HSD17B12: variants seen among roughly 807,000 people sequenced by gnomAD.
HSD17B12 encodes the protein very-long-chain 3-oxoacyl-CoA reductase.
In HSD17B12, 32 loss-of-function variants were observed where a neutral mutation model predicts 39.3. The ratio of observed to expected loss-of-function variants is 0.81; its 90% confidence interval spans 0.61 to 1.09. The LOEUF is 1.09. Among genes scored for constraint, HSD17B12 ranks in the 50% least tolerant of loss-of-function variants. The pLI, the probability that HSD17B12 is intolerant of heterozygous loss-of-function variation, is 0.00. For synonymous variants in HSD17B12, 150 were observed against 146.7 expected (o/e 1.02, Z -0.16); for missense variants, 342 against 382.9 (o/e 0.89, Z 0.89).
the HSD17B12 span, among the ~76,000 whole-genome samples, chr11:43,638,862 T>G: frequency 1.4e-4 from 22 of 152,160 alleles, no homozygotes; most frequent in African/African-American, 4.6e-4. Flanking sequence ...TAAAAATGCT[T>G]TGCTACATTC....
the HSD17B12 span, among the ~76,000 whole-genome samples, chr11:43,663,870 A>AT: frequency 1.1e-3 from 160 of 147,748 alleles, no homozygotes; most frequent in African/African-American, 2.3e-3. Flanking sequence ...TATTTTTATT[A>AT]TTTTTTTTTT....
the HSD17B12 span, among the ~76,000 whole-genome samples, chr11:43,619,590 C>T: frequency 6.6e-6 from 1 of 151,816 alleles, no homozygotes; most frequent in Admixed American, 6.6e-5. Flanking sequence ...TGGGGTTTCA[C>T]CATGTTGGCC....
At chr11:43,769,127 A>G (rs1335260067) in intron 3 of HSD17B12, among the ~76,000 whole-genome samples, 1 of 152,174 alleles carries the variant, frequency 6.6e-6, no homozygotes, top group African/African-American at 2.4e-5. Context: ...TTTAGGAGAC[A>G]CAGGGTTTCA....
the HSD17B12 span, among the ~76,000 whole-genome samples, chr11:43,633,124 A>G: frequency 2.0e-5 from 3 of 152,220 alleles, no homozygotes; most frequent in African/African-American, 7.2e-5. Context: ...CCCACTAAGT[A>G]ATTTCTCATC....
chr11:43,652,257 T>C, the HSD17B12 span, among the ~76,000 whole-genome samples: 1 of 152,194 alleles, frequency 6.6e-6, no homozygotes, highest in African/African-American at 2.4e-5. Flanking sequence ...GACAGTGGAA[T>C]TTGGTTAAAA....
chr11:43,826,169 G>A (rs1361522289), intron 6 of HSD17B12, among the ~76,000 whole-genome samples: 4 of 144,320 alleles, frequency 2.8e-5, no homozygotes, highest in Admixed American at 7.3e-5. Context: ...TGCAAGCTCC[G>A]CCTCCCGGGT....
chr11:43,567,956 G>C, the HSD17B12 span, among the ~76,000 whole-genome samples: 1 of 152,150 alleles, frequency 6.6e-6, no homozygotes, highest in Non-Finnish European at 1.5e-5. Flanking sequence ...CTCAAGAGAA[G>C]CAAGAGTCAA....
chr11:43,787,129 C>A (rs1306204974), intron 3 of HSD17B12, among the ~76,000 whole-genome samples: 1 of 151,758 alleles, frequency 6.6e-6, no homozygotes, highest in African/African-American at 2.4e-5. Flanking sequence ...TTTAGTAGAC[C>A]CTGGGTTTCA....
intron 4 of HSD17B12, chr11:43,806,346 A>C (rs1951017828): frequency 6.6e-6 from 1 of 152,210 alleles, no homozygotes; most frequent in African/African-American, 2.4e-5. Flanking sequence ...AGTATATATC[A>C]AAAACGAAGA....
At chr11:43,680,636 G>A (rs1590652724), upstream of HSD17B12, 4 of 604,382 alleles carry the variant, frequency 6.6e-6, no homozygotes, top group East Asian at 1.1e-4. Flanking sequence ...AATGGCTGAC[G>A]CACTACGCGC....
At chr11:43,774,149 G>A (rs189965638) in intron 3 of HSD17B12, among the ~76,000 whole-genome samples, 146 of 152,160 alleles carry the variant, frequency 9.6e-4, no homozygotes, top group Admixed American at 2.6e-3. Context: ...AAGCTCAGGG[G>A]TGCCACATTT....
chr11:43,636,986 T>G, the HSD17B12 span, among the ~76,000 whole-genome samples: 4 of 152,172 alleles, frequency 2.6e-5, no homozygotes, highest in Non-Finnish European at 5.9e-5. Context: ...CCGTTCAAAC[T>G]TGGATCTCAT....
chr11:43,818,696 T>C (rs1951153208), intron 6 of HSD17B12, among the ~76,000 whole-genome samples: 1 of 152,164 alleles, frequency 6.6e-6, no homozygotes, highest in Non-Finnish European at 1.5e-5. Context: ...GTAAACTAAT[T>C]ATAAGTGGAC....
intron 3 of HSD17B12, among the ~76,000 whole-genome samples, chr11:43,758,793 C>G (rs1377703270): frequency 6.6e-6 from 1 of 152,286 alleles, no homozygotes; most frequent in Middle Eastern, 3.4e-3. Flanking sequence ...AGGCACTTCT[C>G]CAGTGGGTAC....
At chr11:43,725,895 A>G (rs940990729) in intron 1 of HSD17B12, among the ~76,000 whole-genome samples, 1 of 152,170 alleles carries the variant, frequency 6.6e-6, no homozygotes, top group Non-Finnish European at 1.5e-5. Context: ...ATTTTGAGCC[A>G]TCTCAAAATG....
upstream of HSD17B12, chr11:43,680,629 G>C: frequency 1.7e-6 from 1 of 598,484 alleles, no homozygotes; most frequent in Non-Finnish European, 3.0e-6. Context: ...GTCAGCTAAT[G>C]GCTGACGCAC....
chr11:43,734,227 C>A lies in HSD17B12; in HGVS notation c.161-16684C>A. The stretch of plus-strand genomic sequence containing the variant: ...GCGACGACCTTACGGAGCGAGCAGC[C>A]ACCTTTGGGTTCATCCTGGACTACG... On this transcript the variant is annotated intron_variant, in intron 1 of 10. Coordinates refer to ENST00000278353, the MANE Select transcript of HSD17B12 (RefSeq NM_016142.3). 25 of 1,503,444 alleles carry A rather than the reference C, an allele frequency of 1.7e-5. No individual in the cohort carries two copies. In the South Asian group the frequency reaches 2.6e-4, roughly 16 times the overall value. The allele number at this position is 1,503,444 out of a possible 1,614,324, so 93.1% of individuals were successfully genotyped here.
At chr11:43,751,090 G>C (rs1950461206) in intron 2 of HSD17B12, 133 bp downstream of exon 2, 1 of 494,892 alleles carries the variant, frequency 2.0e-6, no homozygotes, top group Non-Finnish European at 3.4e-6. Context: ...GATGCTTTTT[G>C]TTTCTACCTT....
chr11:43,560,774 G>T, the HSD17B12 span, among the ~76,000 whole-genome samples: 2 of 152,118 alleles, frequency 1.3e-5, no homozygotes, highest in Non-Finnish European at 2.9e-5. Context: ...ACCAACCATG[G>T]AGCTCTTCTG....
Sources: gnomAD v4.1 joint callset for allele counts (sites outside exome capture counted in the v4.1 genomes callset) on GRCh38, gnomAD v4.1.1 for gene constraint, MANE v1.5 for transcripts, NCBI Gene and HGNC (gene_info 2026-07-23, HGNC 2026-07-21) for gene names.